PCDHAC1: variants seen among roughly 807,000 people sequenced by gnomAD.
The protein encoded by PCDHAC1 is protocadherin alpha-C1.
Under a neutral mutation model 60.0 loss-of-function variants are expected in PCDHAC1, and 42 were observed. The observed-to-expected ratio is 0.70, with a 90% CI of 0.55 to 0.90. The LOEUF (loss-of-function observed/expected upper bound fraction) is 0.90, where lower values mean the gene tolerates loss of function less well. PCDHAC1 is among the 40% of genes least tolerant of loss of function. PCDHAC1 has a pLI of 0.00. For synonymous variants in PCDHAC1, 468 were observed against 499.3 expected, an observed-to-expected ratio of 0.94 and a Z score of 0.84; for missense variants, 1,160 against 1,222.3, an observed-to-expected ratio of 0.95 and a Z score of 0.76.
At chr5:141,006,662 G>A (rs1198129323) in intron 3 of PCDHAC1, among the ~76,000 whole-genome samples, 1 of 152,192 alleles carries the variant, frequency 6.6e-6, no homozygotes, top group Admixed American at 6.5e-5. Context: ...TCCTGAAAGA[G>A]TGGTGGCAGT....
chr5:141,007,416 AAATT>A (rs2098327486), intron 3 of PCDHAC1, among the ~76,000 whole-genome samples: 1 of 149,348 alleles, frequency 6.7e-6, no homozygotes, highest in Non-Finnish European at 1.5e-5. Context: ...AAAAAAAAAA[AAATT>A]AGCCAGGCAT....
intron 3 of PCDHAC1, among the ~76,000 whole-genome samples, chr5:140,984,830 T>C (rs2097123075): frequency 6.6e-6 from 1 of 152,220 alleles, no homozygotes; most frequent in South Asian, 2.1e-4. Context: ...TTACCCTTTC[T>C]GTAAATTGGG....
At chr5:140,985,047 C>T (rs1417890181) in intron 3 of PCDHAC1, among the ~76,000 whole-genome samples, 5 of 152,076 alleles carry the variant, frequency 3.3e-5, no homozygotes, top group African/African-American at 9.7e-5. Context: ...AAGTGATTCT[C>T]CTGCCTCAGC....
chr5:140,992,405 C>T (rs962261885), intron 3 of PCDHAC1, among the ~76,000 whole-genome samples: 1 of 152,152 alleles, frequency 6.6e-6, no homozygotes, highest in Non-Finnish European at 1.5e-5. Context: ...AGATATTGTT[C>T]TGCCCCAGGT....
At chr5:140,981,223 T>C (rs1472733562) in intron 2 of PCDHAC1, among the ~76,000 whole-genome samples, 2 of 152,234 alleles carry the variant, frequency 1.3e-5, no homozygotes, top group Non-Finnish European at 2.9e-5. Context: ...CTTTAGTCAG[T>C]AGTCTAAATT....
chr5:140,933,441 C>T (rs1197059199), intron 1 of PCDHAC1, among the ~76,000 whole-genome samples: 1 of 151,990 alleles, frequency 6.6e-6, no homozygotes, highest in African/African-American at 2.4e-5. Flanking sequence ...ACTCTAATGA[C>T]ATACCTTCAA....
chr5:140,942,120 A>G (rs2093234009), intron 1 of PCDHAC1, among the ~76,000 whole-genome samples: 1 of 152,234 alleles, frequency 6.6e-6, no homozygotes, highest in South Asian at 2.1e-4. Flanking sequence ...ACTTTATTAA[A>G]GGTGATATTT....
chr5:141,000,403 A>C (rs1233777704), intron 3 of PCDHAC1, among the ~76,000 whole-genome samples: 120 of 84,052 alleles, frequency 1.4e-3, no homozygotes, highest in East Asian at 4.6e-3. Context: ...CTCTATATAT[A>C]TATATATATA....
intron 1 of PCDHAC1, among the ~76,000 whole-genome samples, chr5:140,964,925 T>C (rs1586044682): frequency 6.6e-6 from 1 of 152,148 alleles, no homozygotes; most frequent in African/African-American, 2.4e-5. Flanking sequence ...ACTGGCTAGG[T>C]AGTGGAGCAT....
intron 1 of PCDHAC1, among the ~76,000 whole-genome samples, chr5:140,964,205 T>C (rs1483183685): frequency 6.6e-6 from 1 of 152,212 alleles, no homozygotes; most frequent in Admixed American, 6.5e-5. Context: ...TACCATCTCT[T>C]TAGTACAATG....
intron 1 of PCDHAC1, among the ~76,000 whole-genome samples, chr5:140,964,472 T>C (rs1160731930): frequency 6.6e-6 from 1 of 152,074 alleles, no homozygotes; most frequent in Non-Finnish European, 1.5e-5. Context: ...GTGCCTATGA[T>C]TTTTTCACAG....
At position 140,946,611 on chromosome 5, in the gene PCDHAC1, A is replaced by AATATATAT. The variant is rs1554217734; in HGVS notation, c.2433+17300_2433+17307dup. Among the ~76,000 whole-genome samples, 282 of 86,744 alleles carry AATATATAT rather than the reference A, an allele frequency of 3.3e-3. 10 individuals carry two copies. Among genetic ancestry groups the AATATATAT allele is most frequent in the African/African-American group, 0.015 (234 of 15,690 alleles). The allele number at this position is 86,744 out of a possible 152,430, so 56.9% of individuals were successfully genotyped here. A position where few individuals can be genotyped will look rare whatever the true frequency, so the allele number is the denominator to read the frequency against. Reference sequence around the variant, plus strand: ...GGATGAATAGATAAAGAAAATGTGAAATATATATATATATATATATACAAT... The same window carrying AATATATAT: ...GGATGAATAGATAAAGAAAATGTGAAATATATATATATATATATATATATATATACAAT... On this transcript the variant is annotated intron_variant, in intron 1 of 3. Coordinates refer to ENST00000253807, the MANE Select transcript of PCDHAC1 (RefSeq NM_018898.5).
chr5:140,999,890 T>C (rs2097882236), intron 3 of PCDHAC1, among the ~76,000 whole-genome samples: 1 of 152,168 alleles, frequency 6.6e-6, no homozygotes, highest in South Asian at 2.1e-4. Context: ...CAGCTGTAGC[T>C]TGGGACACCA....
At chr5:140,974,724 C>T (rs893225073) in intron 1 of PCDHAC1, among the ~76,000 whole-genome samples, 11 of 152,168 alleles carry the variant, frequency 7.2e-5, no homozygotes, top group Admixed American at 2.6e-4. Flanking sequence ...TGCTCTCGAA[C>T]TCCTGTCTCC....
intron 1 of PCDHAC1, among the ~76,000 whole-genome samples, chr5:140,962,154 C>T (rs1447978704): frequency 3.9e-5 from 6 of 152,210 alleles, no homozygotes; most frequent in Admixed American, 1.3e-4. Context: ...GGATTACAGG[C>T]GTGAGCCACC....
intron 1 of PCDHAC1, among the ~76,000 whole-genome samples, chr5:140,959,004 C>G (rs1554223791): frequency 6.6e-6 from 1 of 151,642 alleles, no homozygotes; most frequent in African/African-American, 2.4e-5. Flanking sequence ...TTTACTGTAC[C>G]TAATTTATAC....
Position 140,975,977 on chromosome 5 carries a change from TA to T in PCDHAC1, c.2434-2971del, listed in dbSNP as rs781900191. ...GTTCTTCACCAATAGAAAGTAAGCATAGTCCTGGGAGGTACCATCTAAGTAT... is the reference window on the plus strand; with the variant it reads ...GTTCTTCACCAATAGAAAGTAAGCATGTCCTGGGAGGTACCATCTAAGTAT... On this transcript the variant is annotated intron_variant, in intron 1 of 3. Coordinates refer to ENST00000253807, the MANE Select transcript of PCDHAC1 (RefSeq NM_018898.5). Among the ~76,000 whole-genome samples, 17 of 152,284 alleles carry T rather than the reference TA, an allele frequency of 1.1e-4. 1 individual carries two copies. The highest frequency in any genetic ancestry group is 1.8e-4 in the Non-Finnish European group (12 of 68,014).
chr5:140,961,571 A>AT (rs2095622432), intron 1 of PCDHAC1, among the ~76,000 whole-genome samples: 1 of 152,076 alleles, frequency 6.6e-6, no homozygotes. Flanking sequence ...TTTTGTTTTG[A>AT]TAAGCATTTA....
At chr5:140,935,178 G>C (rs2090229039) in intron 1 of PCDHAC1, among the ~76,000 whole-genome samples, 2 of 152,146 alleles carry the variant, frequency 1.3e-5, no homozygotes, top group African/African-American at 4.8e-5. Context: ...GCTTATTGCT[G>C]CTGGGTCAGT....
Sources: allele counts gnomAD v4.1 joint callset (sites outside exome capture counted in the v4.1 genomes callset), GRCh38; gene constraint gnomAD v4.1.1; transcripts MANE v1.5; gene names NCBI Gene and HGNC (gene_info 2026-07-23, HGNC 2026-07-21).